Variants in SLC34A3 observed in about 807,000 individuals in gnomAD.
The protein encoded by SLC34A3 is solute carrier family 34 member 3.
SLC34A3 carries 60 observed loss-of-function variants against 43.9 expected under a neutral mutation model. The observed-to-expected ratio is 1.37, with a 90% confidence interval of 1.11 to 1.70. The LOEUF (loss-of-function observed/expected upper bound fraction) is 1.70, where lower values mean the gene tolerates loss of function less well. Ranked by LOEUF, SLC34A3 falls within the 40% of genes most tolerant of loss-of-function variation. The pLI is 0.00. For missense variants in SLC34A3, 969 were observed against 823.8 expected (o/e 1.18, Z -2.16); for synonymous variants, 451 against 386.2 (o/e 1.17, Z -1.97).
Position 137,234,218 on chromosome 9 carries a change from G to A in SLC34A3, c.1035G>A (p.Leu345=), listed in dbSNP as rs374828210. ...GCTGCCTGGTCCTCATAGTCAAGCT[G>A]CTCAACTCTGTGCTGCGCGGCCGCG... ...LCGCLVLIVK[L]LNSVLRGRVA... The change falls in exon 10 of 13, where the codon CTG becomes CTA. Residue 345 remains leucine (L), a synonymous_variant. Coordinates refer to ENST00000673835, the MANE Select transcript of SLC34A3 (RefSeq NM_001177316.2). This position sits in a 1 kb window ranked among gnomAD's most constrained non-coding sequence, Gnocchi z 6.9. 2.2e-5 allele frequency: 36 copies of A among 1,608,794 alleles called. No individual in the cohort carries two copies. The highest frequency in any genetic ancestry group is 3.0e-5 in the Non-Finnish European group (35 of 1,178,816).
In SLC34A3 at chr9:137,234,438, G is replaced by A; in HGVS notation, c.1116G>A (p.Trp372Ter). 1 of 1,598,348 alleles carries A rather than the reference G, an allele frequency of 6.3e-7. No homozygotes were observed. Among genetic ancestry groups the A allele is most frequent in the Non-Finnish European group, 8.5e-7 (1 of 1,178,942 alleles). The change falls in exon 11 of 13, where the codon TGG (tryptophan) becomes TGA (stop). Residue 372 changes from tryptophan (W) to a stop codon, truncating the protein, a stop_gained. Coordinates refer to ENST00000673835, the MANE Select transcript of SLC34A3 (RefSeq NM_001177316.2). LOFTEE classifies it high-confidence loss of function. This position sits in a 1 kb window ranked among gnomAD's most constrained non-coding sequence, Gnocchi z 6.9. The stretch of plus-strand genomic sequence containing the variant: ...CAGACTTCCCCTTCCCGCTGGGCTG[G>A]CTCGGCGGCTACCTGGCCGTCCTCG... ...INADFPFPLG[W>*]LGGYLAVLAG...
chr9:137,236,481 G>A lies in SLC34A3; in HGVS notation c.*65G>A. ...GGGAGGGCTCTGGAGGGCCCTGGAG[G>A]GGGGGTCCCCGCGGCAGCTGACCTC... is the stretch of plus-strand genomic sequence containing the variant. On this transcript the variant is annotated 3_prime_UTR_variant, in exon 13 of 13. Coordinates refer to ENST00000673835, the MANE Select transcript of SLC34A3 (RefSeq NM_001177316.2). The A allele has an allele frequency of 2.1e-6, 3 of 1,401,966 alleles. No individual in the cohort carries two copies. The highest frequency in any genetic ancestry group is 2.9e-6 in the Non-Finnish European group (3 of 1,026,084). 86.8% of individuals were successfully genotyped at this position (1,401,966 alleles called of 1,614,324 possible).
rs1363105937 is a variant in SLC34A3 at position 137,236,362 on chromosome 9, C to A, written c.1746C>A (p.Thr582=). The change falls in exon 13 of 13, where the codon ACC becomes ACA. Residue 582 remains threonine, a synonymous_variant. Transcript: ENST00000673835. ...TCTGCAGCCCCCCGAAGGCCACCAC[C>A]AAAGAGGCCTACTGCTACGAGAACC... The part of the protein sequence containing the change: ...CNVCSPPKAT[T]KEAYCYENPE... 3.9e-6 allele frequency: 6 copies of A among 1,540,380 alleles called. No individual in the cohort carries two copies. In the South Asian group the frequency reaches 7.1e-5, roughly 18 times the overall value.
rs778776537 is a variant in SLC34A3 at position 137,233,421 on chromosome 9, C to T, written c.756+17C>T. On this transcript the variant is annotated intron_variant, in intron 7 of 12. Transcript: ENST00000673835. ...ATCGTGCAGGTGAGGACGGCCACCG[C>T]CCCCGCCCAGAGAGCCTGAGCAGGC... 146 of 1,592,822 alleles carry T rather than the reference C, an allele frequency of 9.2e-5. No individual in the cohort carries two copies. The East Asian group carries it at 2.1e-3, about 22-fold the overall frequency.
In SLC34A3 at chr9:137,235,920, G is replaced by A. The variant is rs759860148; in HGVS notation, c.1336-32G>A. The A allele has an allele frequency of 5.0e-6, 8 of 1,605,492 alleles. No homozygotes were observed. The Admixed American group carries it at 5.0e-5, about 10-fold the overall frequency. ...GCCCCTGGTGACCCCACCTCGTTGGGCCCAGGCCCCTGACAGCCCCCTCGC... is the reference window on the plus strand; with the variant it reads ...GCCCCTGGTGACCCCACCTCGTTGGACCCAGGCCCCTGACAGCCCCCTCGC... On this transcript the variant is annotated intron_variant, in intron 12 of 12. Transcript: ENST00000673835.
At chr9:137,232,550 G>A (rs746422757) in intron 3 of SLC34A3, 25 bp from the exon 4 acceptor site, 1 of 1,610,920 alleles carries the variant, frequency 6.2e-7, no homozygotes. Flanking sequence ...GGGCCAGCCA[G>A]GGACAGCCTG....
At chr9:137,233,426 G>T in intron 7 of SLC34A3, 22 bp downstream of exon 7, 1 of 1,590,290 alleles carries the variant, frequency 6.3e-7, no homozygotes. Context: ...CACCGCCCCC[G>T]CCCAGAGAGC....
rs1275992549 is a variant in SLC34A3, at chr9:137,234,925, C to A, written c.1335+194C>A. Among the ~76,000 whole-genome samples, 1 of 152,120 alleles carries A rather than the reference C, an allele frequency of 6.6e-6. No individual in the cohort carries two copies. The highest frequency in any genetic ancestry group is 1.5e-5 in the Non-Finnish European group (1 of 67,996). On this transcript the variant is annotated intron_variant, in intron 12 of 12. Coordinates refer to ENST00000673835, the MANE Select transcript of SLC34A3 (RefSeq NM_001177316.2). This position sits in a 1 kb window ranked among gnomAD's most constrained non-coding sequence, Gnocchi z 6.9. ...AGGTCCTGCACACATTTCACACCCT[C>A]CCTGCGTCTCCTCCCTTGAGACCTC...
At chr9:137,231,615 G>C in intron 1 of SLC34A3, 49 bp from the exon 2 acceptor site, 2 of 1,191,698 alleles carry the variant, frequency 1.7e-6, no homozygotes, top group Non-Finnish European at 2.5e-6. Context: ...TGTGAGGACA[G>C]GGCCGGGGCA....
chr9:137,232,899 C>T lies in SLC34A3; in HGVS notation c.420C>T (p.Ser140=). ...TGCAGAGTTCCAGCACGTCCTCCTC[C>T]ATCGTGGTCAGCATGGTGGCTGCTA... The part of the protein sequence containing the change: ...ALVQSSSTSS[S]IVVSMVAAKL... Residue 140 remains serine (S), a synonymous_variant, in exon 5 of 13, where the codon TCC becomes TCT. Coordinates refer to ENST00000673835, the MANE Select transcript of SLC34A3 (RefSeq NM_001177316.2). The T allele has an allele frequency of 6.2e-7, 1 of 1,609,480 alleles. No individual in the cohort carries two copies. The highest frequency in any genetic ancestry group is 8.5e-7 in the Non-Finnish European group (1 of 1,178,378).
rs1390306943 is a variant in SLC34A3, at chr9:137,232,775, C to T, written c.305-9C>T. 6.2e-7 allele frequency: 1 copy of T among 1,613,030 alleles called. No homozygotes were observed. ...CCGCAGCTTCAGCGCACCTCTCTTG[C>T]CGGTGTAGGCAAAGTGGCCGGAGAC... On this transcript the variant is annotated splice_polypyrimidine_tract_variant and intron_variant, in intron 4 of 12. Coordinates refer to ENST00000673835, the MANE Select transcript of SLC34A3 (RefSeq NM_001177316.2).
Position 137,236,098 on chromosome 9 carries a change from C to G in SLC34A3, c.1482C>G (p.Leu494=). ...YRWVAGVYLL[L]GFLLLPLAAF... is the part of the protein sequence containing the mutation. The stretch of plus-strand genomic sequence containing the variant: ...GGGTGGCTGGGGTCTACCTGCTGCT[C>G]GGATTCCTGCTGCTGCCCCTGGCGG... Residue 494 remains leucine, a synonymous_variant, in exon 13 of 13, where the codon CTC becomes CTG. Coordinates refer to ENST00000673835, the MANE Select transcript of SLC34A3 (RefSeq NM_001177316.2). 1.2e-6 allele frequency: 2 copies of G among 1,612,100 alleles called. No individual in the cohort carries two copies. The highest frequency in any genetic ancestry group is 1.1e-5 in the South Asian group (1 of 91,064).
At position 137,232,776 on chromosome 9, in the gene SLC34A3, C is replaced by T. The variant is rs889968177; in HGVS notation, c.305-8C>T. ...CGCAGCTTCAGCGCACCTCTCTTGCCGGTGTAGGCAAAGTGGCCGGAGACA... is the reference window on the plus strand; with the variant it reads ...CGCAGCTTCAGCGCACCTCTCTTGCTGGTGTAGGCAAAGTGGCCGGAGACA... On this transcript the variant is annotated splice_region_variant and splice_polypyrimidine_tract_variant and intron_variant, in intron 4 of 12. Coordinates refer to ENST00000673835, the MANE Select transcript of SLC34A3 (RefSeq NM_001177316.2). 10 of 1,612,906 alleles carry T rather than the reference C, an allele frequency of 6.2e-6. No individual in the cohort carries two copies. The highest frequency in any genetic ancestry group is 2.2e-5 in the East Asian group (1 of 44,896).
rs760991503 is a variant in SLC34A3 at position 137,233,383 on chromosome 9, G to A, written c.735G>A (p.Pro245=). ...ACATCCTCAAGGTGCTGACGAAGCC[G>A]CTCACACACCTCATCGTGCAGGTGA... The part of the protein sequence containing the change: ...APDILKVLTK[P]LTHLIVQLDS... The change falls in exon 7 of 13, where the codon CCG becomes CCA. Residue 245 remains proline (P), a synonymous_variant. Transcript: ENST00000673835. 3.1e-5 allele frequency: 50 copies of A among 1,604,360 alleles called. No individual in the cohort carries two copies. Among genetic ancestry groups the A allele is most frequent in the South Asian group, 2.1e-4 (19 of 90,250 alleles).
Position 137,232,583 on chromosome 9 carries a change from G to A in SLC34A3, c.184G>A (p.Val62Met), listed in dbSNP as rs754789761. The change falls in exon 4 of 13, where the codon GTG becomes ATG. Residue 62 changes from valine to methionine, a missense_variant. Coordinates refer to ENST00000673835, the MANE Select transcript of SLC34A3 (RefSeq NM_001177316.2). Reference sequence around the variant, plus strand: ...CTGCCCTGTGTCCTCAGAGCTCCGCGTGGCCGGCAGGCTGCGCCGCGTGGC... The same window carrying A: ...CTGCCCTGTGTCCTCAGAGCTCCGCATGGCCGGCAGGCTGCGCCGCGTGGC... ...DTSQPWKELR[V>M]AGRLRRVAGS... 3.0e-5 allele frequency: 48 copies of A among 1,608,940 alleles called. No homozygotes were observed. The African/African-American group carries it at 4.9e-4, about 16-fold the overall frequency.
At position 137,232,855 on chromosome 9, in the gene SLC34A3, G is replaced by A. The variant is rs376681513; in HGVS notation, c.376G>A (p.Val126Met). 40 of 1,612,568 alleles carry A rather than the reference G, an allele frequency of 2.5e-5. No homozygotes were observed. Among genetic ancestry groups the A allele is most frequent in the South Asian group, 3.3e-5 (3 of 91,020 alleles). ...CCCTGTGGCTGGACTGGTCATTGGC[G>A]TGCTGGTCACAGCCCTGGTGCAGAG... ...SNPVAGLVIG[V>M]LVTALVQSSS... The change falls in exon 5 of 13, where the codon GTG (valine) becomes ATG (methionine). Residue 126 changes from valine (V) to methionine (M), a missense_variant. Transcript: ENST00000673835.
In SLC34A3 at chr9:137,236,201, A is replaced by T. The variant is rs140639805; in HGVS notation, c.1585A>T (p.Ile529Phe). Reference protein sequence around the residue: ...GPLVGLVLLVILVTVLQRRRP... With the variant: ...GPLVGLVLLVFLVTVLQRRRP... ...CCTGGTGGGGCTGGTGCTCCTCGTCATCCTGGTTACTGTCCTGCAGCGGCG... is the reference window on the plus strand; with the variant it reads ...CCTGGTGGGGCTGGTGCTCCTCGTCTTCCTGGTTACTGTCCTGCAGCGGCG... Residue 529 changes from isoleucine (I) to phenylalanine (F), a missense_variant, in exon 13 of 13, where the codon ATC (isoleucine) becomes TTC (phenylalanine). Coordinates refer to ENST00000673835, the MANE Select transcript of SLC34A3 (RefSeq NM_001177316.2). 3,008 of 1,596,330 alleles carry T rather than the reference A, an allele frequency of 1.9e-3. 8 individuals carry two copies. The highest frequency in any genetic ancestry group is 3.0e-3 in the Admixed American group (172 of 58,176).
chr9:137,235,407 G>A (rs1194498963), intron 12 of SLC34A3, among the ~76,000 whole-genome samples: 1 of 152,270 alleles, frequency 6.6e-6, no homozygotes, highest in South Asian at 2.1e-4. Context: ...ACCCACGCTC[G>A]TTCTTCTTGC....
At chr9:137,235,846 T>C in intron 12 of SLC34A3, 106 bp from the exon 13 acceptor site, 2 of 1,040,900 alleles carry the variant, frequency 1.9e-6, no homozygotes, top group South Asian at 2.7e-5. Context: ...CAGGATGAAC[T>C]TCAGACTTGG....
Sources: allele counts gnomAD v4.1 joint callset (sites outside exome capture counted in the v4.1 genomes callset), GRCh38; gene constraint gnomAD v4.1.1; non-coding constraint Gnocchi (gnomAD v3.1); transcripts MANE v1.5; gene names NCBI Gene and HGNC (gene_info 2026-07-23, HGNC 2026-07-21).